Variants in TIMELESS observed in about 807,000 individuals in gnomAD.
TIMELESS encodes the protein timeless circadian regulator.
Under a neutral mutation model 164.3 loss-of-function variants are expected in TIMELESS, and 124 were observed. That is an observed-to-expected ratio of 0.75 (90% confidence interval 0.65 to 0.88). The LOEUF (loss-of-function observed/expected upper bound fraction) is 0.88. Among genes scored for constraint, TIMELESS ranks in the 40% least tolerant of loss-of-function variants. The pLI, the probability that TIMELESS is intolerant of heterozygous loss-of-function variation, is 0.00. For synonymous variants in TIMELESS, 564 were observed against 563.4 expected (o/e 1.00, Z -0.02); for missense variants, 1,422 against 1,491.4 (o/e 0.95, Z 0.77).
intron 9 of TIMELESS, 40 bp downstream of exon 9, chr12:56,430,841 A>G: frequency 7.3e-7 from 1 of 1,373,922 alleles, no homozygotes; most frequent in Non-Finnish European, 1.0e-6. Context: ...TAAGCTATGC[A>G]ACTCCACTAT....
At chr12:56,437,672 G>A (rs955150722) in intron 1 of TIMELESS, among the ~76,000 whole-genome samples, 1 of 152,126 alleles carries the variant, frequency 6.6e-6, no homozygotes, top group East Asian at 1.9e-4. Context: ...CAAAAAGTAA[G>A]CTAAGAGAAG....
intron 26 of TIMELESS, among the ~76,000 whole-genome samples, chr12:56,419,271 C>T (rs960448245): frequency 1.3e-5 from 2 of 152,154 alleles, no homozygotes; most frequent in African/African-American, 4.8e-5. Context: ...GGGTTACAGG[C>T]GTGAGCCACC....
In TIMELESS at chr12:56,432,543, G is replaced by A; in HGVS notation, c.532-19C>T. The A allele has an allele frequency of 6.2e-7, 1 of 1,607,460 alleles. No homozygotes were observed. The highest frequency in any genetic ancestry group is 1.9e-4 in the Middle Eastern group (1 of 5,338). ...CAATCTTCTGAGCAGTGAGTGGTGA[G>A]GGTAGAAAGGAAGCTCATTCAATCC... On this transcript the variant is annotated intron_variant, in intron 6 of 28. Transcript: ENST00000553532.
rs545174744 is a variant in TIMELESS at position 56,431,939 on chromosome 12, T to C, written c.688-335A>G. 5.9e-5 allele frequency among the ~76,000 whole-genome samples: 9 copies of C among 152,120 alleles called. No individual in the cohort carries two copies. The South Asian group carries it at 1.9e-3, about 32-fold the overall frequency. ...TCAGAAAACAGAACATGTATACATA[T>C]ATATATACGCACATACACATATTCT... On this transcript the variant is annotated intron_variant, in intron 7 of 28. Transcript: ENST00000553532.
intron 6 of TIMELESS, 51 bp downstream of exon 6, chr12:56,432,974 AG>A (rs1555177858): frequency 1.1e-6 from 1 of 945,202 alleles, no homozygotes; most frequent in East Asian, 2.6e-5. Flanking sequence ...AAAAAAAAAA[AG>A]GCAGCTCAAC....
intron 1 of TIMELESS, among the ~76,000 whole-genome samples, chr12:56,438,229 G>C (rs1473494940): frequency 1.3e-5 from 2 of 152,200 alleles, no homozygotes; most frequent in South Asian, 4.1e-4. Flanking sequence ...ATTTTTAGTA[G>C]AAACGAGGTT....
intron 1 of TIMELESS, among the ~76,000 whole-genome samples, chr12:56,444,859 T>C (rs989495890): frequency 6.6e-6 from 1 of 151,792 alleles, no homozygotes; most frequent in Non-Finnish European, 1.5e-5. Flanking sequence ...CGCGGCCTGA[T>C]TGGGCAAACT....
At position 56,442,416 on chromosome 12, in the gene TIMELESS, AT is replaced by A. The variant is rs201585319; in HGVS notation, c.-62+6893del. 8.3e-3 allele frequency among the ~76,000 whole-genome samples: 1,259 copies of A among 152,316 alleles called. 22 individuals are homozygous for A. The highest frequency in any genetic ancestry group is 0.029 in the African/African-American group (1,189 of 41,574). On this transcript the variant is annotated intron_variant, in intron 1 of 28. Coordinates refer to ENST00000553532, the MANE Select transcript of TIMELESS (RefSeq NM_003920.5). Reference sequence around the variant, plus strand: ...TGGAAAAGCAGCTGGAACCAGCTTTATGGGAAAAACCTCATCTTTGTCCATC... The same window carrying A: ...TGGAAAAGCAGCTGGAACCAGCTTTAGGGAAAAACCTCATCTTTGTCCATC...
Position 56,440,106 on chromosome 12 carries a change from T to A in TIMELESS, c.-61-5875A>T, listed in dbSNP as rs370568302. 7.5e-4 allele frequency among the ~76,000 whole-genome samples: 113 copies of A among 151,442 alleles called. 2 individuals are homozygous for A. The South Asian group carries it at 0.022, about 30-fold the overall frequency. On this transcript the variant is annotated intron_variant, in intron 1 of 28. Coordinates refer to ENST00000553532, the MANE Select transcript of TIMELESS (RefSeq NM_003920.5). ...CCAAAAGAAAACAACAGATAAAATA[T>A]TAAATGTATTTGCAATTCAAATTAA...
At position 56,422,218 on chromosome 12, in the gene TIMELESS, A is replaced by G. The variant is rs756500058; in HGVS notation, c.2439-27T>C. ...TGAATGGTGAAAGGAGAAAGGGAGCATATAGGTTCTTGGCCCAAAAAGAGG... is the reference window on the plus strand; with the variant it reads ...TGAATGGTGAAAGGAGAAAGGGAGCGTATAGGTTCTTGGCCCAAAAAGAGG... On this transcript the variant is annotated intron_variant, in intron 19 of 28. Coordinates refer to ENST00000553532, the MANE Select transcript of TIMELESS (RefSeq NM_003920.5). 5.0e-6 allele frequency: 8 copies of G among 1,609,574 alleles called. No homozygotes were observed. The East Asian group carries it at 1.8e-4, about 36-fold the overall frequency.
At position 56,418,172 on chromosome 12, in the gene TIMELESS, A is replaced by G. The variant is rs751873471; in HGVS notation, c.3416T>C (p.Leu1139Pro). 6.2e-7 allele frequency: 1 copy of G among 1,614,228 alleles called. No individual in the cohort carries two copies. Among genetic ancestry groups the G allele is most frequent in the South Asian group, 1.1e-5 (1 of 91,082 alleles). ...CAGGCCCGCTTTCTTCTTGTGGGCT[A>G]GCAAGAGGGCCCTCAGGGCTTGTGC... is the stretch of plus-strand genomic sequence containing the variant. ...HRAQALRALLLAHKKKAGLAS... is the reference protein window; with the variant it reads ...HRAQALRALLPAHKKKAGLAS... The change falls in exon 27 of 29, where the codon CTA becomes CCA. Residue 1139 changes from leucine to proline, a missense_variant. By Grantham distance (98) the Leu-to-Pro change is moderately conservative. Transcript: ENST00000553532.
In TIMELESS at chr12:56,423,395, C is replaced by T. The variant is rs1881563812; in HGVS notation, c.2171G>A (p.Cys724Tyr). The T allele has an allele frequency of 1.2e-6, 2 of 1,614,122 alleles. No homozygotes were observed. The highest frequency in any genetic ancestry group is 1.6e-4 in the Middle Eastern group (1 of 6,062). ...YQQNSAHTNH[C>Y]IVKMLHRLAH... ...CAGCCGGTGCAGCATCTTCACAATGCAATGGTTAGTGTGGGCACTATTCTG... is the reference window on the plus strand; with the variant it reads ...CAGCCGGTGCAGCATCTTCACAATGTAATGGTTAGTGTGGGCACTATTCTG... Residue 724 changes from cysteine (C) to tyrosine (Y), a missense_variant, in exon 18 of 29, where the codon TGC becomes TAC. By Grantham distance (194) the Cys-to-Tyr change is radical. Coordinates refer to ENST00000553532, the MANE Select transcript of TIMELESS (RefSeq NM_003920.5).
At chr12:56,447,352 G>C (rs552122336) in intron 1 of TIMELESS, among the ~76,000 whole-genome samples, 1 of 152,176 alleles carries the variant, frequency 6.6e-6, no homozygotes, top group South Asian at 2.1e-4. Flanking sequence ...GCACGAAAAC[G>C]TAAACTCTTT....
In TIMELESS at chr12:56,417,404, T is replaced by C. The variant is rs1881298881; in HGVS notation, c.*312A>G. 3.4e-6 allele frequency: 1 copy of C among 291,024 alleles called. No homozygotes were observed. Among genetic ancestry groups the C allele is most frequent in the South Asian group, 6.0e-5 (1 of 16,802 alleles). The allele number at this position is 291,024 out of a possible 1,614,324, so 18.0% of individuals were successfully genotyped here. On this transcript the variant is annotated 3_prime_UTR_variant, in exon 29 of 29. Transcript: ENST00000553532. ...CCAATAAAAGGGGTCCGGGGTGCTT[T>C]CTCTATTTCACTCACTCCTCTTATT... is the stretch of plus-strand genomic sequence containing the variant.
intron 7 of TIMELESS, among the ~76,000 whole-genome samples, chr12:56,432,027 T>C (rs1455953989): frequency 6.6e-6 from 1 of 152,026 alleles, no homozygotes; most frequent in East Asian, 1.9e-4. Flanking sequence ...GGGTATACAC[T>C]GTGGATATGC....
rs773273529 is a variant in TIMELESS, at chr12:56,420,951, C to A, written c.3040+12G>T. 38 of 1,613,998 alleles carry A rather than the reference C, an allele frequency of 2.4e-5. No individual in the cohort carries two copies. Among genetic ancestry groups the A allele is most frequent in the Non-Finnish European group, 3.2e-5 (38 of 1,180,010 alleles). Reference sequence around the variant, plus strand: ...CTCCACCTGAGACATCTCTCCCAGCCAAAGTCCTCACCTTCCTGATGCAGG... The same window carrying A: ...CTCCACCTGAGACATCTCTCCCAGCAAAAGTCCTCACCTTCCTGATGCAGG... On this transcript the variant is annotated intron_variant, in intron 24 of 28. Transcript: ENST00000553532.
chr12:56,438,139 G>A (rs899376294), intron 1 of TIMELESS, among the ~76,000 whole-genome samples: 2 of 151,914 alleles, frequency 1.3e-5, no homozygotes, highest in Non-Finnish European at 2.9e-5. Flanking sequence ...CCTCCCTCCC[G>A]GGTTCAAGCG....
At chr12:56,421,560 G>C in intron 22 of TIMELESS, 67 bp from the exon 23 acceptor site, 1 of 1,567,324 alleles carries the variant, frequency 6.4e-7, no homozygotes, top group Non-Finnish European at 8.7e-7. Flanking sequence ...TAAATCAGAG[G>C]TCTCTGGAAA....
At position 56,417,799 on chromosome 12, in the gene TIMELESS, T is replaced by C. The variant is rs937617651; in HGVS notation, c.3557-13A>G. ...CCCAACTCTGGTGCTGTGGGAACGA[T>C]GGGGGTGAGAGAGAGAGAGAATATC... On this transcript the variant is annotated splice_polypyrimidine_tract_variant and intron_variant, in intron 28 of 28. Coordinates refer to ENST00000553532, the MANE Select transcript of TIMELESS (RefSeq NM_003920.5). The C allele has an allele frequency of 3.1e-6, 5 of 1,613,938 alleles. No individual in the cohort carries two copies. The highest frequency in any genetic ancestry group is 8.5e-7 in the Non-Finnish European group (1 of 1,179,960).
Sources: gnomAD v4.1 joint callset for allele counts (sites outside exome capture counted in the v4.1 genomes callset) on GRCh38, gnomAD v4.1.1 for gene constraint, MANE v1.5 for transcripts, NCBI Gene and HGNC (gene_info 2026-07-23, HGNC 2026-07-21) for gene names.